The following ZCCHC7 variants were observed in gnomAD, a reference collection of about 807,000 sequenced individuals.
The protein encoded by ZCCHC7 is zinc finger CCHC-type containing 7.
A neutral mutation model predicts 52.0 loss-of-function variants in ZCCHC7; 35 were observed. That is an observed-to-expected ratio of 0.67 (90% CI 0.51 to 0.89). ZCCHC7 has a LOEUF of 0.89. ZCCHC7 is among the 40% of genes least tolerant of loss of function. The pLI is 0.00. For synonymous variants in ZCCHC7, 217 were observed against 221.5 expected, an observed-to-expected ratio of 0.98 and a Z score of 0.18; for missense variants, 574 against 649.1, an observed-to-expected ratio of 0.88 and a Z score of 1.26.
chr9:37,272,809 A>T (rs757214023), intron 2 of ZCCHC7, among the ~76,000 whole-genome samples: 1 of 152,208 alleles, frequency 6.6e-6, no homozygotes, highest in Non-Finnish European at 1.5e-5. Flanking sequence ...TCTGCATCCC[A>T]TAGGGTTTCC....
intron 2 of ZCCHC7, among the ~76,000 whole-genome samples, chr9:37,280,760 C>T (rs555452752): frequency 6.6e-6 from 1 of 151,964 alleles, no homozygotes; most frequent in East Asian, 1.9e-4. Context: ...CTCTCTCTCT[C>T]TTTCTTTCTC....
intron 2 of ZCCHC7, among the ~76,000 whole-genome samples, chr9:37,262,336 C>G (rs536833544): frequency 6.6e-6 from 1 of 151,594 alleles, no homozygotes; most frequent in African/African-American, 2.4e-5. Flanking sequence ...TAGTTGCTAG[C>G]TATATATTCA....
chr9:37,226,897 G>A (rs1388664939), intron 2 of ZCCHC7, among the ~76,000 whole-genome samples: 1 of 151,962 alleles, frequency 6.6e-6, no homozygotes, highest in African/African-American at 2.4e-5. Context: ...GGCTTGGGTG[G>A]TGGGCGCCTG....
intron 2 of ZCCHC7, among the ~76,000 whole-genome samples, chr9:37,217,685 C>A (rs1233464775): frequency 3.3e-5 from 5 of 151,974 alleles, no homozygotes; most frequent in Admixed American, 1.3e-4. Flanking sequence ...TAATTTTTCC[C>A]AATTATTGCT....
chr9:37,166,260 G>A (rs896551141), intron 2 of ZCCHC7, among the ~76,000 whole-genome samples: 1 of 152,120 alleles, frequency 6.6e-6, no homozygotes, highest in Non-Finnish European at 1.5e-5. Context: ...GCCAGGCAGG[G>A]TGGTGCACAC....
chr9:37,181,732 A>G (rs555849817), intron 2 of ZCCHC7, among the ~76,000 whole-genome samples: 2 of 152,346 alleles, frequency 1.3e-5, no homozygotes, highest in African/African-American at 4.8e-5. Context: ...GGGAATGGAA[A>G]GGTACTGTAA....
chr9:37,289,612 G>T (rs1180981982), intron 2 of ZCCHC7, among the ~76,000 whole-genome samples: 1 of 152,012 alleles, frequency 6.6e-6, no homozygotes, highest in East Asian at 1.9e-4. Flanking sequence ...TGATCTCCTT[G>T]CTTCTATACT....
intron 2 of ZCCHC7, among the ~76,000 whole-genome samples, chr9:37,240,722 A>G (rs1264043611): frequency 6.6e-6 from 1 of 151,900 alleles, no homozygotes; most frequent in Non-Finnish European, 1.5e-5. Flanking sequence ...GGAGTAGCAA[A>G]GGTTGGGATA....
chr9:37,354,730 G>A lies in ZCCHC7; in HGVS notation c.1104G>A (p.Val368=), dbSNP rs778876702. The change falls in exon 8 of 9, where the codon GTG becomes GTA. Residue 368 remains valine (V), a synonymous_variant. Coordinates refer to ENST00000336755, the MANE Select transcript of ZCCHC7 (RefSeq NM_032226.3). This position sits in a 1 kb window ranked among gnomAD's most constrained non-coding sequence, Gnocchi z 4.0. ...HYGHECPERE[V]YDPSPVSPFI... ...TATAGGAATGTCCAGAAAGAGAAGT[G>A]TATGACCCGTCTCCAGTATCTCCAT... is the stretch of plus-strand genomic sequence containing the variant. The A allele has an allele frequency of 1.2e-6, 2 of 1,612,316 alleles. No individual in the cohort carries two copies. Among genetic ancestry groups the A allele is most frequent in the Admixed American group, 1.7e-5 (1 of 59,996 alleles).
At chr9:37,250,670 TTTTACTTTAGAC>T (rs1425288516) in intron 2 of ZCCHC7, among the ~76,000 whole-genome samples, 2 of 152,200 alleles carry the variant, frequency 1.3e-5, no homozygotes, top group Non-Finnish European at 2.9e-5. Context: ...TACAGTCAAG[TTTTACTTTAGAC>T]TTTTAAGTAG....
chr9:37,268,549 C>T (rs1827227450), intron 2 of ZCCHC7, among the ~76,000 whole-genome samples: 1 of 152,030 alleles, frequency 6.6e-6, no homozygotes, highest in Non-Finnish European at 1.5e-5. Context: ...GCCTCAGCCT[C>T]CCAAGTAGCT....
At chr9:37,129,923 T>C (rs1490849648) in intron 2 of ZCCHC7, among the ~76,000 whole-genome samples, 2 of 152,212 alleles carry the variant, frequency 1.3e-5, no homozygotes, top group East Asian at 1.9e-4. Context: ...GAGGTAGTAC[T>C]CGTGACTTAC....
intron 2 of ZCCHC7, among the ~76,000 whole-genome samples, chr9:37,254,537 A>G (rs995459209): frequency 3.9e-5 from 6 of 151,994 alleles, no homozygotes; most frequent in Non-Finnish European, 7.4e-5. Flanking sequence ...AGGAAAGAAC[A>G]CTAAAAAAAG....
intron 6 of ZCCHC7, among the ~76,000 whole-genome samples, chr9:37,335,284 G>A (rs1830601180): frequency 6.6e-6 from 1 of 152,050 alleles, no homozygotes; most frequent in Admixed American, 6.6e-5. Context: ...ATACAGTTGG[G>A]CCAGAAGGGC....
chr9:37,286,717 A>G (rs1003852885), intron 2 of ZCCHC7, among the ~76,000 whole-genome samples: 2 of 151,958 alleles, frequency 1.3e-5, no homozygotes, highest in African/African-American at 4.8e-5. Flanking sequence ...GCACAGAATA[A>G]GCTCTTTATA....
chr9:37,248,815 T>C (rs931952660), intron 2 of ZCCHC7, among the ~76,000 whole-genome samples: 1 of 152,220 alleles, frequency 6.6e-6, no homozygotes, highest in African/African-American at 2.4e-5. Flanking sequence ...GCTGGAATGC[T>C]TTGTCTCATA....
chr9:37,306,279 T>G (rs1333428589), intron 5 of ZCCHC7, among the ~76,000 whole-genome samples: 5 of 151,306 alleles, frequency 3.3e-5, no homozygotes, highest in Non-Finnish European at 5.9e-5. Context: ...ATGTTGGCCA[T>G]GCTGGTCTCG....
At chr9:37,304,074 A>G in intron 3 of ZCCHC7, 114 bp from the exon 4 acceptor site, 1 of 1,018,368 alleles carries the variant, frequency 9.8e-7, no homozygotes, top group African/African-American at 1.6e-5. Context: ...AATGGAACTG[A>G]CTTGAAGCTT....
chr9:37,323,390 T>C (rs886168074), intron 5 of ZCCHC7, among the ~76,000 whole-genome samples: 2 of 152,156 alleles, frequency 1.3e-5, no homozygotes, highest in African/African-American at 2.4e-5. Context: ...AGCTTGTCAG[T>C]TTCCCTGATT....
Sources: allele counts gnomAD v4.1 joint callset (sites outside exome capture counted in the v4.1 genomes callset), GRCh38; gene constraint gnomAD v4.1.1; non-coding constraint Gnocchi (gnomAD v3.1); transcripts MANE v1.5; gene names NCBI Gene and HGNC (gene_info 2026-07-23, HGNC 2026-07-21).